The following ZNF713 variants were observed in gnomAD, a reference collection of about 807,000 sequenced individuals.
ZNF713 encodes the protein zinc finger protein 713.
A neutral mutation model predicts 28.7 loss-of-function variants in ZNF713; 21 were observed. The ratio of observed to expected loss-of-function variants is 0.73; its 90% CI spans 0.52 to 1.05. The LOEUF is 1.05. Among genes scored for constraint, ZNF713 ranks in the 50% least tolerant of loss-of-function variants. The pLI, the probability that ZNF713 is intolerant of heterozygous loss-of-function variation, is 0.00. For missense variants in ZNF713, 458 were observed against 532.4 expected (o/e 0.86, Z 1.37); for synonymous variants, 167 against 178.0 (o/e 0.94, Z 0.49).
chr7:55,938,930 T>C (rs992615798), intron 6 of ZNF713, 52 bp from the exon 7 acceptor site: 33 of 1,499,636 alleles, frequency 2.2e-5, no homozygotes, highest in African/African-American at 2.8e-5. Context: ...TTTCAAATCA[T>C]AGATAACATG....
At chr7:55,916,030 C>T (rs923959089) in intron 4 of ZNF713, among the ~76,000 whole-genome samples, 1 of 152,088 alleles carries the variant, frequency 6.6e-6, no homozygotes, top group African/African-American at 2.4e-5. Flanking sequence ...TGAGTGCTTT[C>T]CTTTGGAAAC....
chr7:55,900,992 A>G (rs992175176), intron 1 of ZNF713, among the ~76,000 whole-genome samples: 3 of 152,186 alleles, frequency 2.0e-5, no homozygotes, highest in Non-Finnish European at 2.9e-5. Flanking sequence ...GTATATTTCA[A>G]AATTACTAAA....
At chr7:55,905,010 C>T (rs1047541817) in intron 1 of ZNF713, among the ~76,000 whole-genome samples, 1 of 152,138 alleles carries the variant, frequency 6.6e-6, no homozygotes, top group Non-Finnish European at 1.5e-5. Flanking sequence ...CAGGTGTGAG[C>T]CACCATGCCC....
At chr7:55,902,087 A>C (rs963163247) in intron 1 of ZNF713, among the ~76,000 whole-genome samples, 3 of 152,174 alleles carry the variant, frequency 2.0e-5, no homozygotes, top group Non-Finnish European at 4.4e-5. Flanking sequence ...GCTGCTCAGG[A>C]GGCTGAGGCA....
intron 1 of ZNF713, among the ~76,000 whole-genome samples, chr7:55,905,698 C>T (rs923567668): frequency 5.3e-5 from 8 of 152,030 alleles, no homozygotes; most frequent in Non-Finnish European, 7.4e-5. Context: ...ATTATCTTCA[C>T]GTTCCTGGAA....
chr7:55,910,621 A>C (rs540740947), intron 2 of ZNF713, among the ~76,000 whole-genome samples: 4 of 152,052 alleles, frequency 2.6e-5, no homozygotes, highest in Non-Finnish European at 4.4e-5. Context: ...TCAGCCTCCC[A>C]AGTAGTTGGG....
At chr7:55,928,612 A>G (rs1182732763) in intron 6 of ZNF713, among the ~76,000 whole-genome samples, 1 of 152,202 alleles carries the variant, frequency 6.6e-6, no homozygotes, top group African/African-American at 2.4e-5. Context: ...ACAAAGGTGA[A>G]GGCACAAACA....
In ZNF713 at chr7:55,939,088, C is replaced by T; in HGVS notation, c.414C>T (p.Phe138=). ...MIMERLAGDS[F]WYSILGGLWD... Reference sequence around the variant, plus strand: ...TGGAGAGACTCGCAGGAGACAGCTTCTGGTACTCCATCCTAGGAGGACTCT... The same window carrying T: ...TGGAGAGACTCGCAGGAGACAGCTTTTGGTACTCCATCCTAGGAGGACTCT... The change falls in exon 7 of 7, where the codon TTC becomes TTT. Residue 138 remains phenylalanine (F), a synonymous_variant. Transcript: ENST00000429591. 5 of 1,614,120 alleles carry T rather than the reference C, an allele frequency of 3.1e-6. No individual in the cohort carries two copies. The highest frequency in any genetic ancestry group is 4.2e-6 in the Non-Finnish European group (5 of 1,180,008).
At chr7:55,900,533 A>G (rs1056426338) in intron 1 of ZNF713, among the ~76,000 whole-genome samples, 34 of 152,204 alleles carry the variant, frequency 2.2e-4, no homozygotes, top group Admixed American at 2.2e-3. Context: ...GAGGGAAATT[A>G]TATTATTCGT....
chr7:55,939,542 G>A lies in ZNF713; in HGVS notation c.868G>A (p.Glu290Lys). ...AGGAGAGAAGCCCTATAAGTGTGAT[G>A]AATGTGGAAAAAGATTCAGCCAGAG... ...LTGEKPYKCD[E>K]CGKRFSQRIH... Residue 290 changes from glutamate (E) to lysine (K), a missense_variant, in exon 7 of 7, where the codon GAA becomes AAA. Coordinates refer to ENST00000429591, the MANE Select transcript of ZNF713 (RefSeq NM_182633.3). The A allele has an allele frequency of 6.2e-7, 1 of 1,613,650 alleles. No homozygotes were observed. Among genetic ancestry groups the A allele is most frequent in the Non-Finnish European group, 8.5e-7 (1 of 1,179,886 alleles).
chr7:55,924,121 T>G (rs887086759), intron 6 of ZNF713: 6 of 154,598 alleles, frequency 3.9e-5, no homozygotes, highest in African/African-American at 1.4e-4. Context: ...TCTTCTGCCA[T>G]TTTAATCTAT....
At chr7:55,921,750 T>C (rs906460109) in intron 4 of ZNF713, among the ~76,000 whole-genome samples, 1 of 152,318 alleles carries the variant, frequency 6.6e-6, no homozygotes, top group South Asian at 2.1e-4. Flanking sequence ...CAATAGTGGA[T>C]TTAGAATATT....
At chr7:55,909,789 T>A (rs1482035079) in intron 2 of ZNF713, among the ~76,000 whole-genome samples, 1 of 152,196 alleles carries the variant, frequency 6.6e-6, no homozygotes, top group Non-Finnish European at 1.5e-5. Flanking sequence ...TAATTTTGTG[T>A]GGCTATTGTA....
At chr7:55,925,347 G>A (rs1444306027) in intron 6 of ZNF713, among the ~76,000 whole-genome samples, 3 of 152,156 alleles carry the variant, frequency 2.0e-5, no homozygotes, top group African/African-American at 4.8e-5. Flanking sequence ...TCCTGGCCGG[G>A]CACAGTGGCT....
chr7:55,931,596 C>T (rs1389713016), intron 6 of ZNF713, among the ~76,000 whole-genome samples: 1 of 146,824 alleles, frequency 6.8e-6, no homozygotes, highest in Non-Finnish European at 1.5e-5. Flanking sequence ...TTCTTTCCCT[C>T]TCTCCTCTCC....
At chr7:55,916,221 C>CT (rs1048614556) in intron 4 of ZNF713, among the ~76,000 whole-genome samples, 10 of 152,216 alleles carry the variant, frequency 6.6e-5, no homozygotes, top group African/African-American at 2.4e-4. Context: ...CTAAACAGTC[C>CT]TATAGAATCT....
intron 4 of ZNF713, among the ~76,000 whole-genome samples, chr7:55,919,288 C>T (rs548606092): frequency 5.9e-5 from 9 of 152,232 alleles, no homozygotes; most frequent in African/African-American, 2.2e-4. Context: ...CTATAATATG[C>T]TGTGTAACAA....
chr7:55,925,102 A>G (rs1227135635), intron 6 of ZNF713, among the ~76,000 whole-genome samples: 1 of 151,800 alleles, frequency 6.6e-6, no homozygotes, highest in Non-Finnish European at 1.5e-5. Flanking sequence ...CAAGGAGTGG[A>G]CTGCTGACTG....
At chr7:55,904,795 C>G (rs1163795096) in intron 1 of ZNF713, among the ~76,000 whole-genome samples, 2 of 152,132 alleles carry the variant, frequency 1.3e-5, no homozygotes, top group Non-Finnish European at 2.9e-5. Flanking sequence ...GGCTTGATCT[C>G]TGCTCACTGC....
Sources: allele counts gnomAD v4.1 joint callset (sites outside exome capture counted in the v4.1 genomes callset), GRCh38; gene constraint gnomAD v4.1.1; transcripts MANE v1.5; gene names NCBI Gene and HGNC (gene_info 2026-07-23, HGNC 2026-07-21).